The following FGF1 variants were observed in gnomAD, a reference collection of about 807,000 sequenced individuals.
FGF1 encodes the protein beta-endothelial cell growth factor.
FGF1 carries 9 observed loss-of-function variants against 13.4 expected under a neutral mutation model. The ratio of observed to expected loss-of-function variants is 0.67; its 90% CI spans 0.40 to 1.17. The LOEUF (loss-of-function observed/expected upper bound fraction) is 1.17. Among genes scored for constraint, FGF1 ranks in the 50% most tolerant of loss-of-function variants. The pLI is 0.01. For synonymous variants in FGF1, 93 were observed against 79.0 expected (o/e 1.18, Z -0.94); for missense variants, 156 against 192.7 (o/e 0.81, Z 1.13).
At chr5:142,667,878 C>G (rs1770734870) in intron 1 of FGF1, among the ~76,000 whole-genome samples, 1 of 152,220 alleles carries the variant, frequency 6.6e-6, no homozygotes, top group African/African-American at 2.4e-5. Context: ...CGGTGACTGT[C>G]TTCCCTTTCT....
rs557843963 is a variant in FGF1, at chr5:142,675,100, C to T, written c.-35+10857G>A. On this transcript the variant is annotated intron_variant, in intron 1 of 3. Coordinates refer to ENST00000337706, the MANE Select transcript of FGF1 (RefSeq NM_000800.5). ...GTCGTTAGAAACAACCCGGCCATCG[C>T]CTTGGAAACGCTCCCCCCTGCGCCG... Among the ~76,000 whole-genome samples the T allele has an allele frequency of 2.2e-4, 34 of 152,274 alleles. No individual in the cohort carries two copies. In the South Asian group the frequency reaches 6.8e-3, roughly 31 times the overall value.
intron 1 of FGF1, among the ~76,000 whole-genome samples, chr5:142,617,861 A>G (rs911256871): frequency 1.3e-5 from 2 of 152,184 alleles, no homozygotes; most frequent in Non-Finnish European, 2.9e-5. Context: ...GTTCCTTGCC[A>G]ATCCACTATT....
intron 2 of FGF1, among the ~76,000 whole-genome samples, chr5:142,605,110 C>G (rs76763494): frequency 0.032 from 4,818 of 151,774 alleles, 217 homozygotes; most frequent in East Asian, 0.19. Flanking sequence ...TTGTTTGTTT[C>G]TTTTTTCTTT....
At chr5:142,637,318 G>A (rs1002062416) in intron 1 of FGF1, among the ~76,000 whole-genome samples, 3 of 93,852 alleles carry the variant, frequency 3.2e-5, no homozygotes, top group South Asian at 3.5e-4. Flanking sequence ...GAACCACGGC[G>A]TTTTTGTTTT....
intron 2 of FGF1, among the ~76,000 whole-genome samples, chr5:142,611,226 T>G (rs533583183): frequency 1.3e-5 from 2 of 152,274 alleles, no homozygotes; most frequent in Admixed American, 6.5e-5. Flanking sequence ...TCAGAAGGGC[T>G]CTGGCAGTAC....
At chr5:142,597,658 T>A (rs1755589021) in intron 3 of FGF1, among the ~76,000 whole-genome samples, 1 of 152,210 alleles carries the variant, frequency 6.6e-6, no homozygotes, top group African/African-American at 2.4e-5. Flanking sequence ...CTTTTTCAAG[T>A]CGTGTGACCC....
intron 1 of FGF1, among the ~76,000 whole-genome samples, chr5:142,660,178 G>A (rs554165623): frequency 3.3e-5 from 5 of 152,342 alleles, no homozygotes; most frequent in South Asian, 2.1e-4. Context: ...ACGCTCATCC[G>A]GGGTGAGAAT....
intron 1 of FGF1, among the ~76,000 whole-genome samples, chr5:142,673,540 TC>T: frequency 6.6e-6 from 1 of 152,336 alleles, no homozygotes; most frequent in Admixed American, 6.5e-5. Context: ...GGTGTTCTGT[TC>T]TGCCTGATGA....
At chr5:142,673,089 T>A (rs1771811161) in intron 1 of FGF1, among the ~76,000 whole-genome samples, 1 of 152,246 alleles carries the variant, frequency 6.6e-6, no homozygotes, top group Non-Finnish European at 1.5e-5. Flanking sequence ...TGTGGTACTG[T>A]TGTTTTCCAT....
chr5:142,682,331 G>A (rs1180783487), intron 1 of FGF1, among the ~76,000 whole-genome samples: 5 of 152,110 alleles, frequency 3.3e-5, no homozygotes, highest in South Asian at 2.1e-4. Context: ...TGATCCACCC[G>A]CCTTGGCCTC....
intron 1 of FGF1, among the ~76,000 whole-genome samples, chr5:142,658,778 G>C (rs1768622175): frequency 6.6e-6 from 1 of 152,196 alleles, no homozygotes; most frequent in Non-Finnish European, 1.5e-5. Context: ...TTTGAAGGAA[G>C]AGAAAGTATA....
In FGF1 at chr5:142,685,940, GA is replaced by G. The variant is rs1332099671; in HGVS notation, c.-35+16del. ...ATAACCTGCTCTGTTTCCCAGATCA[GA>G]TGCCCTGATTCTTACCTAAAGAGCT... On this transcript the variant is annotated intron_variant, in intron 1 of 3. Transcript: ENST00000337706. The G allele has an allele frequency of 6.6e-6, 1 of 151,884 alleles. No individual in the cohort carries two copies. Among genetic ancestry groups the G allele is most frequent in the Non-Finnish European group, 1.5e-5 (1 of 68,152 alleles). The allele number at this position is 151,884 out of a possible 1,614,324, so 9.4% of individuals were successfully genotyped here.
intron 1 of FGF1, among the ~76,000 whole-genome samples, chr5:142,622,105 T>C (rs1396156758): frequency 6.6e-6 from 1 of 152,208 alleles, no homozygotes; most frequent in Non-Finnish European, 1.5e-5. Context: ...AACCAATTGG[T>C]CTTGCTCACA....
chr5:142,648,689 CAAAAAAAAAA>C (rs11451715), intron 1 of FGF1, among the ~76,000 whole-genome samples: 6 of 66,212 alleles, frequency 9.1e-5, no homozygotes, highest in African/African-American at 1.9e-4. Context: ...CCCCACCAAC[CAAAAAAAAAA>C]AAAAAAAAAA....
rs200708364 is a variant in FGF1, at chr5:142,600,742, T to A, written c.233A>T (p.Gln78Leu). ...EVYIKSTETG[Q>L]YLAMDTDGLL... ...CCCGTCGGTGTCCATGGCCAAGTACTGGCCAGTCTCGGTACTCTTTATATA... is the reference window on the plus strand; with the variant it reads ...CCCGTCGGTGTCCATGGCCAAGTACAGGCCAGTCTCGGTACTCTTTATATA... Residue 78 changes from glutamine (Q) to leucine (L), a missense_variant, in exon 3 of 4, where the codon CAG (glutamine) becomes CTG (leucine). Gln to Leu is a moderately radical substitution (Grantham distance 113, BLOSUM62 -2). Coordinates refer to ENST00000337706, the MANE Select transcript of FGF1 (RefSeq NM_000800.5). The A allele has an allele frequency of 3.2e-5, 51 of 1,613,996 alleles. No individual in the cohort carries two copies. Among genetic ancestry groups the A allele is most frequent in the Non-Finnish European group, 4.2e-5 (50 of 1,179,848 alleles).
chr5:142,614,365 G>A (rs1464890859), intron 1 of FGF1, among the ~76,000 whole-genome samples: 1 of 152,162 alleles, frequency 6.6e-6, no homozygotes, highest in East Asian at 1.9e-4. Context: ...GGGGTTTCCA[G>A]GGCATTTTTC....
intron 1 of FGF1, among the ~76,000 whole-genome samples, chr5:142,621,553 A>C (rs1413931984): frequency 1.3e-5 from 2 of 151,996 alleles, no homozygotes; most frequent in Non-Finnish European, 2.9e-5. Flanking sequence ...CACATATACC[A>C]GTTTAGGTGG....
At chr5:142,625,016 C>T (rs191850150) in intron 1 of FGF1, among the ~76,000 whole-genome samples, 1 of 152,202 alleles carries the variant, frequency 6.6e-6, no homozygotes, top group South Asian at 2.1e-4. Flanking sequence ...ACAACATATG[C>T]ACCATACTAC....
intron 2 of FGF1, among the ~76,000 whole-genome samples, chr5:142,602,880 GCCTT>G (rs1367461474): frequency 6.6e-6 from 1 of 151,778 alleles, no homozygotes. Context: ...ATTTCTCTTT[GCCTT>G]CCTTATCTCC....
Sources: allele counts gnomAD v4.1 joint callset (sites outside exome capture counted in the v4.1 genomes callset), GRCh38; gene constraint gnomAD v4.1.1; transcripts MANE v1.5; gene names NCBI Gene and HGNC (gene_info 2026-07-23, HGNC 2026-07-21).